The following NCKAP5 variants were observed in gnomAD, a reference collection of about 807,000 sequenced individuals.
NCKAP5 encodes nck-associated protein 5.
Under a neutral mutation model 167.0 loss-of-function variants are expected in NCKAP5, and 92 were observed. The observed-to-expected ratio is 0.55, with a 90% CI of 0.47 to 0.66. The LOEUF (loss-of-function observed/expected upper bound fraction) is 0.66. Ranked by LOEUF, NCKAP5 falls within the 30% of genes least tolerant of loss-of-function variation. The pLI, the probability that NCKAP5 is intolerant of heterozygous loss-of-function variation, is 0.00. For synonymous variants in NCKAP5, 891 were observed against 877.4 expected (o/e 1.02, Z -0.27); for missense variants, 2,378 against 2,315.0 (o/e 1.03, Z -0.56).
intron 2 of NCKAP5, among the ~76,000 whole-genome samples, chr2:133,529,498 TTG>T (rs1685187817): frequency 1.3e-5 from 2 of 152,154 alleles, no homozygotes; most frequent in Admixed American, 1.3e-4. Context: ...AGATAGTTGT[TTG>T]TGTTTTCTGA....
At chr2:133,669,601 C>A in the NCKAP5 span, among the ~76,000 whole-genome samples, 52 of 152,226 alleles carry the variant, frequency 3.4e-4, no homozygotes, top group Middle Eastern at 3.4e-3. Context: ...CAAAAAGTCA[C>A]TACTATTACC....
At chr2:132,864,835 T>C (rs1055818407) in intron 10 of NCKAP5, among the ~76,000 whole-genome samples, 5 of 152,202 alleles carry the variant, frequency 3.3e-5, no homozygotes, top group African/African-American at 4.8e-5. Context: ...ATACATGGAA[T>C]TGGGGCTTAG....
chr2:133,283,108 G>A (rs2089986147), intron 4 of NCKAP5, among the ~76,000 whole-genome samples: 1 of 152,180 alleles, frequency 6.6e-6, no homozygotes, highest in African/African-American at 2.4e-5. Context: ...AGTAGAGAAG[G>A]AGCAGAGGTT....
chr2:133,475,015 G>A (rs187247448), intron 3 of NCKAP5, among the ~76,000 whole-genome samples: 56 of 152,062 alleles, frequency 3.7e-4, no homozygotes, highest in African/African-American at 1.0e-3. Context: ...TTCACCATGC[G>A]GACCAGGCTG....
intron 3 of NCKAP5, among the ~76,000 whole-genome samples, chr2:133,362,022 A>AG (rs892208584): frequency 9.3e-5 from 14 of 151,122 alleles, no homozygotes; most frequent in Non-Finnish European, 1.9e-4. Context: ...GAAAAAAAAA[A>AG]CAGTGTAAAA....
At chr2:133,605,072 C>G in the NCKAP5 span, among the ~76,000 whole-genome samples, 18 of 152,258 alleles carry the variant, frequency 1.2e-4, no homozygotes, top group Middle Eastern at 6.8e-3. Flanking sequence ...TTAATTAATA[C>G]AGATTTATCT....
intron 3 of NCKAP5, among the ~76,000 whole-genome samples, chr2:133,316,176 A>C (rs2150642939): frequency 6.6e-6 from 1 of 152,282 alleles, no homozygotes; most frequent in South Asian, 2.1e-4. Context: ...TAACACAACA[A>C]AACAAACCAA....
intron 6 of NCKAP5, among the ~76,000 whole-genome samples, chr2:132,998,534 A>G (rs1045595158): frequency 4.1e-4 from 63 of 152,284 alleles, no homozygotes; most frequent in African/African-American, 1.4e-3. Context: ...AACCTCTATG[A>G]ATCATGTCAC....
chr2:133,405,083 T>C (rs945860100), intron 3 of NCKAP5, among the ~76,000 whole-genome samples: 1 of 152,204 alleles, frequency 6.6e-6, no homozygotes, highest in Non-Finnish European at 1.5e-5. Context: ...AGTAGTTATG[T>C]TTCATAATGT....
chr2:133,495,347 G>A (rs1017568366), intron 3 of NCKAP5, among the ~76,000 whole-genome samples: 1 of 151,938 alleles, frequency 6.6e-6, no homozygotes, highest in African/African-American at 2.4e-5. Context: ...CTGTTGCCTC[G>A]AGACTTCCAC....
chr2:133,498,476 AAGGAAGGCAGGCAGGCAGGCAGGC>A (rs1170473213), intron 3 of NCKAP5, among the ~76,000 whole-genome samples: 50 of 118,438 alleles, frequency 4.2e-4, no homozygotes, highest in African/African-American at 2.1e-3. Context: ...GGAAGGAAGG[AAGGAAGGCAGGCAGGCAGGCAGGC>A]AGGCAGGCAG....
chr2:132,698,934 T>C (rs899501048), intron 19 of NCKAP5, among the ~76,000 whole-genome samples: 1 of 152,200 alleles, frequency 6.6e-6, no homozygotes, highest in Non-Finnish European at 1.5e-5. Flanking sequence ...CAGCAATGTA[T>C]GTTGTAACAA....
Position 132,673,275 on chromosome 2 carries a change from C to T in NCKAP5, c.*14G>A, listed in dbSNP as rs748582432. ...ATTTTCGATAATCTATTCTCGGGAT[C>T]GTCTTTTGTTTCTTCAAGTTGTCTC... On this transcript the variant is annotated 3_prime_UTR_variant, in exon 20 of 20. Coordinates refer to ENST00000409261, the MANE Select transcript of NCKAP5 (RefSeq NM_207363.3). The T allele has an allele frequency of 4.0e-6, 6 of 1,508,846 alleles. No homozygotes were observed. Among genetic ancestry groups the T allele is most frequent in the South Asian group, 3.9e-5 (3 of 76,590 alleles). The allele number at this position is 1,508,846 out of a possible 1,614,324, so 93.5% of individuals were successfully genotyped here.
chr2:133,383,320 G>T (rs932440173), intron 3 of NCKAP5, among the ~76,000 whole-genome samples: 4 of 152,090 alleles, frequency 2.6e-5, no homozygotes, highest in African/African-American at 9.7e-5. Flanking sequence ...GCGGTGTTTG[G>T]TTTTTTGTTC....
chr2:132,782,433 C>T lies in NCKAP5; in HGVS notation c.4378G>A (p.Asp1460Asn). 1 of 1,613,918 alleles carries T rather than the reference C, an allele frequency of 6.2e-7. No individual in the cohort carries two copies. The change falls in exon 14 of 20, where the codon GAT becomes AAT. Residue 1460 changes from aspartate (D) to asparagine (N), a missense_variant. Asp to Asn is a conservative substitution (Grantham distance 23). This residue lies in a region of NCKAP5 where 1,325 missense variants were observed against 1,274.5 expected (regional missense o/e 1.04). Coordinates refer to ENST00000409261, the MANE Select transcript of NCKAP5 (RefSeq NM_207363.3). Reference protein sequence around the residue: ...RHPDASATATDAVSSEAPLSP... With the variant: ...RHPDASATATNAVSSEAPLSP... ...AGGGGGGCTTCTGAACTCACAGCAT[C>T]AGTCGCGGTTGCAGAGGCATCTGGA... is the stretch of plus-strand genomic sequence containing the variant.
At chr2:133,030,416 C>T (rs1381183701) in intron 6 of NCKAP5, among the ~76,000 whole-genome samples, 1 of 152,164 alleles carries the variant, frequency 6.6e-6, no homozygotes. Flanking sequence ...CATGGTGAGC[C>T]TGTGTCGAAA....
chr2:133,242,593 C>A (rs2087769771), intron 4 of NCKAP5, among the ~76,000 whole-genome samples: 1 of 152,172 alleles, frequency 6.6e-6, no homozygotes, highest in Non-Finnish European at 1.5e-5. Context: ...TATATTAATG[C>A]AAACTGTGGT....
chr2:133,243,621 A>T (rs1014084320), intron 4 of NCKAP5, among the ~76,000 whole-genome samples: 6 of 152,168 alleles, frequency 3.9e-5, no homozygotes, highest in African/African-American at 1.4e-4. Context: ...CAACTAATCT[A>T]AGCCCTCTCC....
intron 3 of NCKAP5, among the ~76,000 whole-genome samples, chr2:133,422,835 C>T (rs1388265386): frequency 6.6e-6 from 1 of 151,978 alleles, no homozygotes; most frequent in Non-Finnish European, 1.5e-5. Flanking sequence ...TTGAATTTAC[C>T]ACCAAAGCAT....
Sources: allele counts gnomAD v4.1 joint callset (sites outside exome capture counted in the v4.1 genomes callset), GRCh38; gene constraint gnomAD v4.1.1; regional missense constraint gnomAD v4.1.1; transcripts MANE v1.5; gene names NCBI Gene and HGNC (gene_info 2026-07-23, HGNC 2026-07-21).